EEFSEC: variants seen among roughly 807,000 people sequenced by gnomAD.
EEFSEC encodes the protein selenocysteine-specific elongation factor.
Under a neutral mutation model 42.1 loss-of-function variants are expected in EEFSEC, and 43 were observed. The ratio of observed to expected loss-of-function variants is 1.02; its 90% CI spans 0.80 to 1.32. EEFSEC has a LOEUF of 1.32. Ranked by LOEUF, EEFSEC falls within the 40% of genes most tolerant of loss-of-function variation. The pLI, the probability that EEFSEC is intolerant of heterozygous loss-of-function variation, is 0.00. For synonymous variants in EEFSEC, 354 were observed against 339.1 expected, an observed-to-expected ratio of 1.04 and a Z score of -0.48; for missense variants, 745 against 803.6, an observed-to-expected ratio of 0.93 and a Z score of 0.88.
chr3:128,363,068 G>A (rs1020237756), intron 6 of EEFSEC, among the ~76,000 whole-genome samples: 1 of 152,244 alleles, frequency 6.6e-6, no homozygotes, highest in Non-Finnish European at 1.5e-5. Context: ...CAGCACTCAG[G>A]AGGAGGAGAA....
chr3:128,244,218 C>T (rs1439389217), intron 1 of EEFSEC, among the ~76,000 whole-genome samples: 1 of 152,242 alleles, frequency 6.6e-6, no homozygotes, highest in Admixed American at 6.5e-5. Flanking sequence ...AAGACCCAGT[C>T]TCACAGCCCT....
intron 5 of EEFSEC, among the ~76,000 whole-genome samples, chr3:128,356,128 G>T (rs1052955611): frequency 6.6e-6 from 1 of 152,218 alleles, no homozygotes; most frequent in Non-Finnish European, 1.5e-5. Flanking sequence ...CTACAGGCCC[G>T]TTTCATGGTA....
chr3:128,222,080 C>T (rs1231923255), intron 1 of EEFSEC, among the ~76,000 whole-genome samples: 3 of 136,710 alleles, frequency 2.2e-5, no homozygotes, highest in Non-Finnish European at 4.5e-5. Context: ...GTCACCCAGG[C>T]TGGAGTGCAG....
chr3:128,243,420 T>C (rs2066094266), intron 1 of EEFSEC, among the ~76,000 whole-genome samples: 1 of 152,206 alleles, frequency 6.6e-6, no homozygotes, highest in Non-Finnish European at 1.5e-5. Context: ...CCCTACTGGA[T>C]AGTTGACTGG....
chr3:128,287,891 C>T (rs889118502), intron 4 of EEFSEC, among the ~76,000 whole-genome samples: 2 of 152,144 alleles, frequency 1.3e-5, no homozygotes, highest in South Asian at 2.1e-4. Context: ...TCATGTATAT[C>T]GTTATCTCCT....
At chr3:128,315,958 T>C (rs929938089) in intron 4 of EEFSEC, among the ~76,000 whole-genome samples, 2 of 152,246 alleles carry the variant, frequency 1.3e-5, no homozygotes, top group Admixed American at 1.3e-4. Flanking sequence ...TCTTAGCTTG[T>C]TGCCATTTTA....
intron 6 of EEFSEC, among the ~76,000 whole-genome samples, chr3:128,378,794 C>T (rs2067739024): frequency 6.6e-6 from 1 of 152,218 alleles, no homozygotes; most frequent in African/African-American, 2.4e-5. Flanking sequence ...CCAGACAGCT[C>T]ATCCCACTCC....
chr3:128,376,767 G>C (rs1286792594), intron 6 of EEFSEC, among the ~76,000 whole-genome samples: 1 of 152,028 alleles, frequency 6.6e-6, no homozygotes, highest in Non-Finnish European at 1.5e-5. Flanking sequence ...TGCCTAACTG[G>C]GACTCAGAAG....
intron 2 of EEFSEC, among the ~76,000 whole-genome samples, chr3:128,247,320 C>CA (rs2066138535): frequency 6.6e-6 from 1 of 152,154 alleles, no homozygotes. Flanking sequence ...AGAAGGAGCA[C>CA]AGGGACTCTG....
At chr3:128,411,878 C>T (rs560477691), downstream of EEFSEC, among the ~76,000 whole-genome samples, 3 of 152,244 alleles carry the variant, frequency 2.0e-5, no homozygotes, top group Non-Finnish European at 2.9e-5. Flanking sequence ...TGTGCATGTG[C>T]GCACACGGGC....
At chr3:128,189,553 C>A (rs1369112759) in intron 1 of EEFSEC, among the ~76,000 whole-genome samples, 2 of 140,056 alleles carry the variant, frequency 1.4e-5, no homozygotes, top group East Asian at 4.0e-4. Flanking sequence ...CCTTCGACTT[C>A]TTTTCTTTTT....
intron 1 of EEFSEC, among the ~76,000 whole-genome samples, chr3:128,184,583 T>G (rs148604216): frequency 5.9e-5 from 9 of 152,354 alleles, no homozygotes; most frequent in Non-Finnish European, 1.2e-4. Context: ...TGTAAGTATC[T>G]ATCAGTATAT....
At chr3:128,397,760 G>C (rs1351413302) in intron 6 of EEFSEC, among the ~76,000 whole-genome samples, 2 of 152,272 alleles carry the variant, frequency 1.3e-5, no homozygotes, top group Non-Finnish European at 2.9e-5. Context: ...ATTCTCTCTG[G>C]ACGGAGGAGT....
intron 6 of EEFSEC, among the ~76,000 whole-genome samples, chr3:128,405,229 G>T (rs2068095615): frequency 6.6e-6 from 1 of 152,116 alleles, no homozygotes; most frequent in African/African-American, 2.4e-5. Flanking sequence ...TGTTAGCCAG[G>T]ATGATCTTGA....
intron 2 of EEFSEC, among the ~76,000 whole-genome samples, chr3:128,250,910 G>GTT (rs1559886787): frequency 1.2e-4 from 4 of 34,530 alleles, no homozygotes; most frequent in African/African-American, 2.9e-4. Context: ...AGTTTTTTTT[G>GTT]GTTTTTTTTT....
chr3:128,374,806 A>G (rs1386968545), intron 6 of EEFSEC, among the ~76,000 whole-genome samples: 1 of 152,232 alleles, frequency 6.6e-6, no homozygotes, highest in Non-Finnish European at 1.5e-5. Context: ...TGAAATTGCC[A>G]TTTTGCAAAT....
At chr3:128,229,948 GTTTCCTTTCCTTTCCT>G (rs946599567) in intron 1 of EEFSEC, among the ~76,000 whole-genome samples, 1 of 151,994 alleles carries the variant, frequency 6.6e-6, no homozygotes, top group African/African-American at 2.4e-5. Context: ...GCCCTGGAGG[GTTTCCTTTCCTTTCCT>G]TTTCCTTTCC....
intron 4 of EEFSEC, among the ~76,000 whole-genome samples, chr3:128,306,214 G>C (rs1173056790): frequency 6.6e-6 from 1 of 152,140 alleles, no homozygotes; most frequent in African/African-American, 2.4e-5. Flanking sequence ...CTTTTAAAAA[G>C]AAGAGTTATT....
intron 6 of EEFSEC, among the ~76,000 whole-genome samples, chr3:128,368,976 AT>A (rs981474133): frequency 4.6e-5 from 7 of 152,232 alleles, no homozygotes; most frequent in African/African-American, 1.7e-4. Flanking sequence ...GTATTTTTAC[AT>A]GAAATCTTCC....
Sources: allele counts gnomAD v4.1 joint callset (sites outside exome capture counted in the v4.1 genomes callset), GRCh38; gene constraint gnomAD v4.1.1; transcripts MANE v1.5; gene names NCBI Gene and HGNC (gene_info 2026-07-23, HGNC 2026-07-21).